Variants in ZMYM2 observed in about 807,000 individuals in gnomAD.
ZMYM2 encodes zinc finger MYM-type protein 2.
Under a neutral mutation model 162.8 loss-of-function variants are expected in ZMYM2, and 56 were observed. The observed-to-expected ratio is 0.34, with a 90% CI of 0.28 to 0.43. The LOEUF is 0.43. Ranked by LOEUF, ZMYM2 falls within the 20% of genes least tolerant of loss-of-function variation. The pLI, the probability that ZMYM2 is intolerant of heterozygous loss-of-function variation, is 1.00. For synonymous variants in ZMYM2, 510 were observed against 541.6 expected (o/e 0.94, Z 0.81); for missense variants, 1,275 against 1,621.8 (o/e 0.79, Z 3.67).
chr13:19,928,431 A>G, the ZMYM2 span, among the ~76,000 whole-genome samples: 4 of 152,026 alleles, frequency 2.6e-5, no homozygotes, highest in African/African-American at 4.8e-5. Flanking sequence ...AAGTGCAATT[A>G]AAAAAAAGAA....
At chr13:19,903,685 A>G in the ZMYM2 span, among the ~76,000 whole-genome samples, 1 of 151,546 alleles carries the variant, frequency 6.6e-6, no homozygotes, top group African/African-American at 2.4e-5. Context: ...GCCGGGCAAC[A>G]TGGGGAAACC....
the ZMYM2 span, among the ~76,000 whole-genome samples, chr13:19,923,947 A>G: frequency 1.3e-5 from 2 of 152,124 alleles, no homozygotes; most frequent in Non-Finnish European, 2.9e-5. Flanking sequence ...ATGGGATTAC[A>G]GGAGTAAGCT....
At chr13:19,978,200 C>A (rs1399923994) in intron 2 of ZMYM2, among the ~76,000 whole-genome samples, 5 of 151,756 alleles carry the variant, frequency 3.3e-5, no homozygotes, top group African/African-American at 1.2e-4. Flanking sequence ...TAAATGGTTA[C>A]CTTGGGGATT....
At chr13:19,958,536 A>T (rs1413135473), upstream of ZMYM2, 1 of 152,366 alleles carries the variant, frequency 6.6e-6, no homozygotes, top group Non-Finnish European at 1.5e-5. Flanking sequence ...GTGGAACGGC[A>T]GGGCCGGGGG....
the ZMYM2 span, among the ~76,000 whole-genome samples, chr13:19,920,219 G>A: frequency 6.6e-6 from 1 of 152,126 alleles, no homozygotes; most frequent in African/African-American, 2.4e-5. Context: ...AACTTTCTCT[G>A]TAAAGGGCCA....
intron 6 of ZMYM2, among the ~76,000 whole-genome samples, chr13:20,008,164 C>T (rs1950895673): frequency 6.6e-6 from 1 of 152,140 alleles, no homozygotes; most frequent in Non-Finnish European, 1.5e-5. Context: ...GGGTCTTGCT[C>T]TGTTGCCCAA....
chr13:19,958,941 A>C (rs1954807107), intron 1 of ZMYM2, 100 bp downstream of exon 1: 2 of 152,142 alleles, frequency 1.3e-5, no homozygotes, highest in Admixed American at 6.6e-5. Flanking sequence ...GGCGGAGGCG[A>C]CTAGGGAGGC....
chr13:19,897,072 C>CAA, the ZMYM2 span, among the ~76,000 whole-genome samples: 398 of 111,426 alleles, frequency 3.6e-3, 10 homozygotes, highest in African/African-American at 0.011. Context: ...GACTCTGCCT[C>CAA]AAAAAAAAAA....
chr13:20,063,939 TTA>T (rs1956473884), intron 18 of ZMYM2, among the ~76,000 whole-genome samples: 1 of 21,058 alleles, frequency 4.7e-5, no homozygotes, highest in Admixed American at 7.0e-4. Context: ...TATATAGTTT[TTA>T]TATATATAAT....
At chr13:19,986,822 G>C (rs1014870679) in intron 2 of ZMYM2, among the ~76,000 whole-genome samples, 2 of 151,880 alleles carry the variant, frequency 1.3e-5, no homozygotes, top group Non-Finnish European at 1.5e-5. Context: ...AAAATCCTCA[G>C]CGGGGCACGG....
Position 20,034,365 on chromosome 13 carries a change from G to C in ZMYM2, c.2080G>C (p.Val694Leu). ...AGAGGAGAAGACTCTTCATGAAACAGTAAATTTCTCTGGCGTTAAGAGACC... is the reference window on the plus strand; with the variant it reads ...AGAGGAGAAGACTCTTCATGAAACACTAAATTTCTCTGGCGTTAAGAGACC... ...CQEEKTLHETVNFSGVKRPFC... is the reference protein window; with the variant it reads ...CQEEKTLHETLNFSGVKRPFC... The change falls in exon 11 of 25, where the codon GTA (valine) becomes CTA (leucine). Residue 694 changes from valine to leucine, a missense_variant. Val to Leu is a conservative substitution (Grantham distance 32). Coordinates refer to ENST00000610343, the MANE Select transcript of ZMYM2 (RefSeq NM_197968.4). The C allele has an allele frequency of 6.2e-7, 1 of 1,606,694 alleles. No individual in the cohort carries two copies. The highest frequency in any genetic ancestry group is 8.5e-7 in the Non-Finnish European group (1 of 1,177,376).
chr13:19,864,427 A>C, the ZMYM2 span: 5 of 154,994 alleles, frequency 3.2e-5, no homozygotes, highest in Non-Finnish European at 5.9e-5. Context: ...TGCCATTCGG[A>C]CAAGGGAACA....
Position 20,067,291 on chromosome 13 carries a change from T to A in ZMYM2, c.3354T>A (p.Leu1118=). Residue 1118 remains leucine, a synonymous_variant, in exon 21 of 25, where the codon CTT becomes CTA. Transcript: ENST00000610343. ...TACTCTCTCACACCACAGCTGAGCT[T>A]AACTATGGGTTAGCTCATTTTGTCA... ...EDLLSHTTAE[L]NYGLAHFVNE... is the part of the protein sequence containing the mutation. The A allele has an allele frequency of 6.3e-7, 1 of 1,597,286 alleles. No individual in the cohort carries two copies. The highest frequency in any genetic ancestry group is 8.5e-7 in the Non-Finnish European group (1 of 1,171,132).
chr13:19,952,209 T>C, the ZMYM2 span, among the ~76,000 whole-genome samples: 1 of 152,154 alleles, frequency 6.6e-6, no homozygotes, highest in South Asian at 2.1e-4. Flanking sequence ...GAGCATAGAA[T>C]GGTGATTACC....
chr13:20,065,923 C>G (rs17068315), intron 19 of ZMYM2, among the ~76,000 whole-genome samples: 7,726 of 152,208 alleles, frequency 0.051, 597 homozygotes, highest in African/African-American at 0.16. Flanking sequence ...AAGTGTCACT[C>G]TCTATAAGGT....
intron 6 of ZMYM2, among the ~76,000 whole-genome samples, chr13:20,009,523 T>C (rs1274732074): frequency 2.0e-5 from 3 of 152,212 alleles, no homozygotes; most frequent in Middle Eastern, 3.2e-3. Context: ...CTGAAACTTT[T>C]TCATCATGCC....
chr13:19,881,685 T>C, the ZMYM2 span, among the ~76,000 whole-genome samples: 2 of 151,082 alleles, frequency 1.3e-5, no homozygotes, highest in African/African-American at 4.9e-5. Context: ...AATATCCAAG[T>C]AGAAAAAAAT....
the ZMYM2 span, among the ~76,000 whole-genome samples, chr13:19,876,096 G>C: frequency 6.7e-6 from 1 of 149,630 alleles, no homozygotes; most frequent in Non-Finnish European, 1.5e-5. Flanking sequence ...GTGTGATCTT[G>C]GCTCACTGCA....
the ZMYM2 span, among the ~76,000 whole-genome samples, chr13:19,893,583 C>CAA: frequency 6.6e-6 from 1 of 151,536 alleles, no homozygotes; most frequent in African/African-American, 2.4e-5. Flanking sequence ...GCTAAAAATA[C>CAA]AAAAACATTA....
Sources: allele counts gnomAD v4.1 joint callset (sites outside exome capture counted in the v4.1 genomes callset), GRCh38; gene constraint gnomAD v4.1.1; transcripts MANE v1.5; gene names NCBI Gene and HGNC (gene_info 2026-07-23, HGNC 2026-07-21).